Variants in GRIN2B observed in about 807,000 individuals in gnomAD.
GRIN2B encodes glutamate receptor ionotropic, NMDA 2B.
Under a neutral mutation model 114.5 loss-of-function variants are expected in GRIN2B, and 5 were observed. That is an observed-to-expected ratio of 0.04 (90% CI 0.02 to 0.09). The LOEUF (loss-of-function observed/expected upper bound fraction) is 0.09, where lower values mean the gene tolerates loss of function less well. Ranked by LOEUF, GRIN2B falls within the 10% of genes least tolerant of loss-of-function variation. The pLI, the probability that GRIN2B is intolerant of heterozygous loss-of-function variation, is 1.00. For synonymous variants in GRIN2B, 787 were observed against 745.1 expected, an observed-to-expected ratio of 1.06 and a Z score of -0.92; for missense variants, 1,108 against 1,943.5, an observed-to-expected ratio of 0.57 and a Z score of 8.08.
chr12:13,654,494 T>C (rs1327949919), intron 5 of GRIN2B, among the ~76,000 whole-genome samples: 1 of 152,226 alleles, frequency 6.6e-6, no homozygotes, highest in African/African-American at 2.4e-5. Context: ...TGATGGTCTC[T>C]GCTTAAACCT....
chr12:13,803,743 T>C (rs1016318966), intron 3 of GRIN2B, among the ~76,000 whole-genome samples: 1 of 152,140 alleles, frequency 6.6e-6, no homozygotes, highest in Non-Finnish European at 1.5e-5. Context: ...CTAAACCCTA[T>C]GGTGAGATGG....
intron 2 of GRIN2B, among the ~76,000 whole-genome samples, chr12:13,866,923 C>T (rs1274105850): frequency 6.6e-6 from 1 of 152,130 alleles, no homozygotes; most frequent in Admixed American, 6.5e-5. Flanking sequence ...AATGTTGACG[C>T]CAAGGCTCAG....
At chr12:13,824,350 T>C (rs1317710533) in intron 3 of GRIN2B, among the ~76,000 whole-genome samples, 1 of 152,228 alleles carries the variant, frequency 6.6e-6, no homozygotes, top group East Asian at 1.9e-4. Context: ...TTAACTTTCG[T>C]AGTTTTCTGT....
At chr12:13,652,017 C>T (rs900560500) in intron 5 of GRIN2B, among the ~76,000 whole-genome samples, 1 of 152,054 alleles carries the variant, frequency 6.6e-6, no homozygotes. Context: ...AATCTAGAGA[C>T]TAAAGAGTCA....
intron 5 of GRIN2B, among the ~76,000 whole-genome samples, chr12:13,637,498 A>C (rs920886006): frequency 1.3e-5 from 2 of 152,158 alleles, no homozygotes; most frequent in Non-Finnish European, 2.9e-5. Context: ...CTTAAGTGAG[A>C]TATTCCATCA....
intron 3 of GRIN2B, among the ~76,000 whole-genome samples, chr12:13,862,150 CAT>C (rs1228119304): frequency 6.6e-6 from 1 of 152,140 alleles, no homozygotes; most frequent in African/African-American, 2.4e-5. Flanking sequence ...ATATAAAGCT[CAT>C]TTCCTCTTTG....
At chr12:13,825,674 G>A (rs567844984) in intron 3 of GRIN2B, among the ~76,000 whole-genome samples, 13 of 151,422 alleles carry the variant, frequency 8.6e-5, no homozygotes, top group Non-Finnish European at 1.3e-4. Context: ...ACACTACCAC[G>A]CCCAGCTAAT....
chr12:13,597,951 C>T (rs1398391702), intron 10 of GRIN2B, among the ~76,000 whole-genome samples: 2 of 152,116 alleles, frequency 1.3e-5, no homozygotes, highest in Non-Finnish European at 2.9e-5. Context: ...TATCATCTAG[C>T]CAAGAAATAA....
chr12:13,615,737 T>G lies in GRIN2B; in HGVS notation c.1329-73A>C. 7.4e-7 allele frequency: 1 copy of G among 1,352,712 alleles called. No homozygotes were observed. The highest frequency in any genetic ancestry group is 1.1e-6 in the Non-Finnish European group (1 of 942,896). The allele number at this position is 1,352,712 out of a possible 1,614,324, so 83.8% of individuals were successfully genotyped here. ...CAAAAAGCCAACATTTATTACCCTT[T>G]GCCATTAAAAAACCTCCAATCCCAA... is the stretch of plus-strand genomic sequence containing the variant. On this transcript the variant is annotated intron_variant, in intron 6 of 13. Transcript: ENST00000609686. The surrounding 1 kb of genome is among the most constrained non-coding windows in gnomAD (Gnocchi z 5.8).
At chr12:13,764,849 T>C (rs1010250772) in intron 3 of GRIN2B, among the ~76,000 whole-genome samples, 18 of 152,244 alleles carry the variant, frequency 1.2e-4, no homozygotes, top group African/African-American at 4.3e-4. Flanking sequence ...GGGCTTATTC[T>C]TGCCCCCATC....
At chr12:13,794,238 A>G (rs1270889114) in intron 3 of GRIN2B, among the ~76,000 whole-genome samples, 1 of 151,596 alleles carries the variant, frequency 6.6e-6, no homozygotes, top group Non-Finnish European at 1.5e-5. Flanking sequence ...AAGAAAAGAA[A>G]AAAAGAAAAA....
At chr12:13,791,312 T>C (rs537803414) in intron 3 of GRIN2B, among the ~76,000 whole-genome samples, 45 of 151,530 alleles carry the variant, frequency 3.0e-4, no homozygotes, top group African/African-American at 1.1e-3. Context: ...ATTAACTGGG[T>C]GTGGTGGCGG....
intron 10 of GRIN2B, among the ~76,000 whole-genome samples, chr12:13,605,581 A>ACACACC (rs764306615): frequency 1.0e-3 from 155 of 149,336 alleles, no homozygotes; most frequent in Non-Finnish European, 2.0e-3. Flanking sequence ...ACACACACAC[A>ACACACC]CACCTGTCTT....
At chr12:13,642,663 T>G (rs1467248267) in intron 5 of GRIN2B, among the ~76,000 whole-genome samples, 1 of 152,196 alleles carries the variant, frequency 6.6e-6, no homozygotes, top group Non-Finnish European at 1.5e-5. Flanking sequence ...CAAAAATGCA[T>G]GTTTATTTGC....
chr12:13,781,765 G>T (rs1401277378), intron 3 of GRIN2B, among the ~76,000 whole-genome samples: 1 of 152,166 alleles, frequency 6.6e-6, no homozygotes, highest in Non-Finnish European at 1.5e-5. Flanking sequence ...AATCTGAATG[G>T]AATGGATTCT....
rs1444387055 is a variant in GRIN2B at position 13,552,621 on chromosome 12, C to T, written c.*10162G>A. ...TCATGAGGATGGCTGTCTTCCTACC[C>T]TCCCACCAGCTGTTTACCAGATAAT... On this transcript the variant is annotated 3_prime_UTR_variant, in exon 14 of 14. Coordinates refer to ENST00000609686, the MANE Select transcript of GRIN2B (RefSeq NM_000834.5). 1.3e-5 allele frequency: 2 copies of T among 151,960 alleles called. No individual in the cohort carries two copies. The highest frequency in any genetic ancestry group is 2.4e-5 in the African/African-American group (1 of 41,344). The allele number at this position is 151,960 out of a possible 1,614,324, so 9.4% of individuals were successfully genotyped here.
chr12:13,822,315 G>A (rs1864954588), intron 3 of GRIN2B, among the ~76,000 whole-genome samples: 1 of 152,108 alleles, frequency 6.6e-6, no homozygotes, highest in African/African-American at 2.4e-5. Flanking sequence ...CCTAAGGTAG[G>A]TCCACCCTCT....
chr12:13,905,070 T>C (rs1866515426), intron 2 of GRIN2B, among the ~76,000 whole-genome samples: 2 of 152,202 alleles, frequency 1.3e-5, no homozygotes, highest in Non-Finnish European at 1.5e-5. Flanking sequence ...TTTGAGGCCA[T>C]GTTTTTAAGT....
intron 5 of GRIN2B, among the ~76,000 whole-genome samples, chr12:13,657,077 G>C (rs1949872212): frequency 6.6e-6 from 1 of 152,190 alleles, no homozygotes; most frequent in Non-Finnish European, 1.5e-5. Flanking sequence ...CCAGAGTAGG[G>C]AAGGAGAGCA....
Sources: gnomAD v4.1 joint callset for allele counts (sites outside exome capture counted in the v4.1 genomes callset) on GRCh38, gnomAD v4.1.1 for gene constraint, Gnocchi (gnomAD v3.1) non-coding constraint, MANE v1.5 for transcripts, NCBI Gene and HGNC (gene_info 2026-07-23, HGNC 2026-07-21) for gene names.